Variants in LRRC4C observed in about 807,000 individuals in gnomAD.
The protein encoded by LRRC4C is leucine rich repeat containing 4C, also known as leucine-rich repeat-containing protein 4C.
Under a neutral mutation model 33.6 loss-of-function variants are expected in LRRC4C, and 5 were observed. The observed-to-expected ratio is 0.15, with a 90% CI of 0.08 to 0.31. The LOEUF is 0.31. Among genes scored for constraint, LRRC4C ranks in the 10% least tolerant of loss-of-function variants. The pLI, the probability that LRRC4C is intolerant of heterozygous loss-of-function variation, is 1.00. For synonymous variants in LRRC4C, 329 were observed against 302.0 expected, an observed-to-expected ratio of 1.09 and a Z score of -0.93; for missense variants, 560 against 796.7, an observed-to-expected ratio of 0.70 and a Z score of 3.58.
intron 3 of LRRC4C, among the ~76,000 whole-genome samples, chr11:40,644,375 A>G (rs1235716967): frequency 6.6e-6 from 1 of 152,224 alleles, no homozygotes; most frequent in Non-Finnish European, 1.5e-5. Context: ...TAATTTTAAA[A>G]ACTAATTATG....
intron 5 of LRRC4C, among the ~76,000 whole-genome samples, chr11:40,211,853 C>T (rs150804763): frequency 0.016 from 2,422 of 152,166 alleles, 44 homozygotes; most frequent in South Asian, 0.087. Flanking sequence ...GGAGCTTTAG[C>T]GGTCACTGTG....
chr11:40,381,109 A>G (rs1013473179), intron 3 of LRRC4C, among the ~76,000 whole-genome samples: 1 of 152,172 alleles, frequency 6.6e-6, no homozygotes, highest in African/African-American at 2.4e-5. Context: ...ATGGAAAATA[A>G]CAAACATCCA....
At chr11:40,747,114 G>T (rs550413762) in intron 2 of LRRC4C, among the ~76,000 whole-genome samples, 6 of 152,212 alleles carry the variant, frequency 3.9e-5, no homozygotes, top group African/African-American at 1.4e-4. Flanking sequence ...AGGCAGGCAT[G>T]CTCAGCCCAT....
intron 2 of LRRC4C, among the ~76,000 whole-genome samples, chr11:40,698,123 T>C (rs1945672588): frequency 6.6e-6 from 1 of 150,868 alleles, no homozygotes; most frequent in Non-Finnish European, 1.5e-5. Context: ...TCTTTACCCA[T>C]ATGTGGTTAT....
intron 2 of LRRC4C, among the ~76,000 whole-genome samples, chr11:40,743,942 G>T (rs58951139): frequency 0.069 from 10,425 of 152,092 alleles, 593 homozygotes; most frequent in African/African-American, 0.16. Flanking sequence ...GCTTTGCATT[G>T]TAACTTCTAT....
At chr11:40,132,938 T>C (rs1253170951) in intron 6 of LRRC4C, among the ~76,000 whole-genome samples, 1 of 152,156 alleles carries the variant, frequency 6.6e-6, no homozygotes, top group Non-Finnish European at 1.5e-5. Context: ...TGTAGAAAAT[T>C]ATTTTCCATA....
At chr11:40,337,291 C>T (rs1946671660) in intron 3 of LRRC4C, among the ~76,000 whole-genome samples, 2 of 152,120 alleles carry the variant, frequency 1.3e-5, no homozygotes, top group African/African-American at 4.8e-5. Context: ...AAGGTAAAGA[C>T]TGTGGATTTG....
intron 4 of LRRC4C, among the ~76,000 whole-genome samples, chr11:40,304,554 A>G (rs1448293896): frequency 3.3e-5 from 5 of 152,314 alleles, no homozygotes; most frequent in East Asian, 3.9e-4. Context: ...TTTTCTTAGT[A>G]TCTTTAACTT....
At chr11:41,278,889 A>G (rs936166784) in intron 1 of LRRC4C, among the ~76,000 whole-genome samples, 1 of 152,164 alleles carries the variant, frequency 6.6e-6, no homozygotes, top group African/African-American at 2.4e-5. Context: ...GGTAAATTAC[A>G]TGTGACTGAC....
chr11:40,192,986 G>C (rs879417047), intron 5 of LRRC4C, among the ~76,000 whole-genome samples: 4 of 152,126 alleles, frequency 2.6e-5, no homozygotes, highest in African/African-American at 9.7e-5. Context: ...CCATCTCCCT[G>C]GGACGGAGCA....
At chr11:40,450,932 C>G (rs1291248225) in intron 3 of LRRC4C, among the ~76,000 whole-genome samples, 1 of 151,616 alleles carries the variant, frequency 6.6e-6, no homozygotes, top group Admixed American at 6.6e-5. Context: ...AAGAAGAAAT[C>G]ATGAGCAAAT....
intron 1 of LRRC4C, among the ~76,000 whole-genome samples, chr11:41,015,194 G>T (rs1855492197): frequency 6.6e-6 from 1 of 151,966 alleles, no homozygotes; most frequent in Admixed American, 6.6e-5. Flanking sequence ...AACTCTCTTA[G>T]ATTTAAAATA....
intron 5 of LRRC4C, among the ~76,000 whole-genome samples, chr11:40,211,366 A>G (rs1451197929): frequency 6.6e-6 from 1 of 152,192 alleles, no homozygotes; most frequent in Non-Finnish European, 1.5e-5. Context: ...AATTTTTCTC[A>G]GTTCTTTTTG....
intron 2 of LRRC4C, among the ~76,000 whole-genome samples, chr11:40,812,206 G>A (rs547183423): frequency 6.6e-6 from 1 of 152,236 alleles, no homozygotes; most frequent in Admixed American, 6.5e-5. Context: ...ATCCTAATTT[G>A]TAGGAACAGA....
chr11:41,090,459 A>C (rs1337454009), intron 1 of LRRC4C, among the ~76,000 whole-genome samples: 1 of 152,194 alleles, frequency 6.6e-6, no homozygotes, highest in African/African-American at 2.4e-5. Flanking sequence ...AGTTTCAAAA[A>C]GATTGATATG....
intron 1 of LRRC4C, among the ~76,000 whole-genome samples, chr11:41,403,382 A>G (rs1954097747): frequency 6.6e-6 from 1 of 152,106 alleles, no homozygotes; most frequent in Admixed American, 6.6e-5. Context: ...AAATTCAGAT[A>G]CCTACAGGTC....
At chr11:40,522,668 C>G (rs1955869987) in intron 3 of LRRC4C, among the ~76,000 whole-genome samples, 1 of 152,020 alleles carries the variant, frequency 6.6e-6, no homozygotes, top group South Asian at 2.1e-4. Context: ...TTCATGTACC[C>G]TAACTGAAAC....
chr11:40,901,999 TACA>T (rs1330305148), intron 2 of LRRC4C, among the ~76,000 whole-genome samples: 7 of 139,736 alleles, frequency 5.0e-5, no homozygotes, highest in South Asian at 4.7e-4. Flanking sequence ...TCTCTCTCTC[TACA>T]CACACACACA....
intron 1 of LRRC4C, among the ~76,000 whole-genome samples, chr11:41,271,795 T>G (rs913813400): frequency 2.0e-5 from 3 of 152,076 alleles, no homozygotes; most frequent in Non-Finnish European, 4.4e-5. Flanking sequence ...AAAAAAGTGT[T>G]TGTTTATTGA....
Sources: gnomAD v4.1 joint callset for allele counts (sites outside exome capture counted in the v4.1 genomes callset) on GRCh38, gnomAD v4.1.1 for gene constraint, MANE v1.5 for transcripts, NCBI Gene and HGNC (gene_info 2026-07-23, HGNC 2026-07-21) for gene names.